The following SRGAP1 variants were observed in gnomAD, a reference collection of about 807,000 sequenced individuals.
The protein encoded by SRGAP1 is SLIT-ROBO Rho GTPase activating protein 1.
In SRGAP1, 43 loss-of-function variants were observed where a neutral mutation model predicts 121.9. The observed-to-expected ratio is 0.35, with a 90% CI of 0.28 to 0.46. The LOEUF is 0.46. SRGAP1 is among the 20% of genes least tolerant of loss of function. The pLI is 1.00. For synonymous variants in SRGAP1, 447 were observed against 485.4 expected, an observed-to-expected ratio of 0.92 and a Z score of 1.04; for missense variants, 1,102 against 1,350.9, an observed-to-expected ratio of 0.82 and a Z score of 2.89.
At chr12:63,962,119 G>T (rs1288298492) in intron 1 of SRGAP1, among the ~76,000 whole-genome samples, 2 of 152,146 alleles carry the variant, frequency 1.3e-5, no homozygotes, top group Non-Finnish European at 2.9e-5. Context: ...AGATTTTGCT[G>T]ATGGTCATTA....
At chr12:64,103,163 G>A (rs774662172) in intron 15 of SRGAP1, among the ~76,000 whole-genome samples, 3 of 151,932 alleles carry the variant, frequency 2.0e-5, no homozygotes, top group Non-Finnish European at 4.4e-5. Context: ...TATTTTTTTG[G>A]TAGAGACAGG....
chr12:63,950,487 T>C lies in SRGAP1; in HGVS notation c.68-33460T>C, dbSNP rs919254117. Among the ~76,000 whole-genome samples, 5 of 152,292 alleles carry C rather than the reference T, an allele frequency of 3.3e-5. 1 individual carries two copies. The stretch of plus-strand genomic sequence containing the variant: ...TTTATTAGAGTCCATCTCTGTTTTC[T>C]GGCAGGATGATGGCTCTAACGTGCT... On this transcript the variant is annotated intron_variant, in intron 1 of 21. Coordinates refer to ENST00000355086, the MANE Select transcript of SRGAP1 (RefSeq NM_020762.4).
chr12:64,097,604 G>T, intron 15 of SRGAP1: 2 of 390,956 alleles, frequency 5.1e-6, no homozygotes, highest in Non-Finnish European at 8.9e-6. Flanking sequence ...GCTCCAGAAA[G>T]CCAGGAGCTT....
chr12:63,981,317 C>T (rs997917107), intron 1 of SRGAP1, among the ~76,000 whole-genome samples: 1 of 152,068 alleles, frequency 6.6e-6, no homozygotes, highest in Non-Finnish European at 1.5e-5. Context: ...GAGATTTGTA[C>T]TTTTATCTTT....
intron 18 of SRGAP1, among the ~76,000 whole-genome samples, chr12:64,116,623 T>A (rs573807806): frequency 2.0e-3 from 308 of 152,336 alleles, no homozygotes; most frequent in Non-Finnish European, 3.1e-3. Context: ...CCATTGTATG[T>A]ATCTATTCCG....
At chr12:63,987,703 C>A (rs543174776) in intron 2 of SRGAP1, among the ~76,000 whole-genome samples, 2 of 152,002 alleles carry the variant, frequency 1.3e-5, no homozygotes, top group Non-Finnish European at 2.9e-5. Flanking sequence ...GCCTAGGCAA[C>A]AAGAGCAAAA....
rs371669031 is a variant in SRGAP1 at position 64,079,967 on chromosome 12, G to T, written c.1324-319G>T. Among the ~76,000 whole-genome samples, 51 of 152,274 alleles carry T rather than the reference G, an allele frequency of 3.3e-4. 1 individual carries two copies. The highest frequency in any genetic ancestry group is 1.2e-3 in the African/African-American group (49 of 41,556). ...TTTTAAAAATTAAAAATTAGGCTGGGTGCAGTGGCTCACGCCTGTAATCCC... is the reference window on the plus strand; with the variant it reads ...TTTTAAAAATTAAAAATTAGGCTGGTTGCAGTGGCTCACGCCTGTAATCCC... On this transcript the variant is annotated intron_variant, in intron 9 of 21. Coordinates refer to ENST00000355086, the MANE Select transcript of SRGAP1 (RefSeq NM_020762.4).
At chr12:63,984,186 A>G (rs779701714) in intron 2 of SRGAP1, 44 bp downstream of exon 2, 7 of 1,146,762 alleles carry the variant, frequency 6.1e-6, no homozygotes, top group Non-Finnish European at 8.2e-6. Flanking sequence ...GGTGATATCC[A>G]TACTGCCTTT....
intron 9 of SRGAP1, 125 bp from the exon 10 acceptor site, chr12:64,080,161 T>G: frequency 2.9e-6 from 2 of 685,272 alleles, no homozygotes; most frequent in Non-Finnish European, 4.7e-6. Context: ...GAGAATCGCT[T>G]GAACCCCAGA....
At chr12:64,001,192 A>G (rs2033885784) in intron 3 of SRGAP1, among the ~76,000 whole-genome samples, 1 of 152,200 alleles carries the variant, frequency 6.6e-6, no homozygotes, top group Non-Finnish European at 1.5e-5. Flanking sequence ...AATGTCAGAA[A>G]ACAATGGAGC....
intron 15 of SRGAP1, among the ~76,000 whole-genome samples, chr12:64,100,427 C>A (rs1208772901): frequency 6.6e-6 from 1 of 152,112 alleles, no homozygotes; most frequent in Non-Finnish European, 1.5e-5. Context: ...GGAGATATCT[C>A]ATGTAAGGGT....
In SRGAP1 at chr12:63,981,387, C is replaced by T. The variant is rs988293890; in HGVS notation, c.68-2560C>T. Among the ~76,000 whole-genome samples, 3 of 152,158 alleles carry T rather than the reference C, an allele frequency of 2.0e-5. No individual in the cohort carries two copies. The South Asian group carries it at 6.2e-4, about 32-fold the overall frequency. ...AAAACAAAAACAAACAAAAAAAACC[C>T]CAGAAAACTAGTTGACAGCTTAAGA... On this transcript the variant is annotated intron_variant, in intron 1 of 21. Coordinates refer to ENST00000355086, the MANE Select transcript of SRGAP1 (RefSeq NM_020762.4).
intron 1 of SRGAP1, among the ~76,000 whole-genome samples, chr12:63,904,638 A>G (rs1382306922): frequency 6.6e-6 from 1 of 152,228 alleles, no homozygotes; most frequent in Non-Finnish European, 1.5e-5. Flanking sequence ...AGATATTAAC[A>G]TACAGAGTAT....
chr12:64,141,135 GA>G, intron 21 of SRGAP1, among the ~76,000 whole-genome samples: 1 of 146,162 alleles, frequency 6.8e-6, no homozygotes, highest in Non-Finnish European at 1.5e-5. Flanking sequence ...GGTGGGTGGA[GA>G]GGGGAGGGAT....
At chr12:63,932,764 A>G (rs955740040) in intron 1 of SRGAP1, among the ~76,000 whole-genome samples, 2 of 152,216 alleles carry the variant, frequency 1.3e-5, no homozygotes, top group Non-Finnish European at 2.9e-5. Flanking sequence ...TGTTGAGTAT[A>G]CAAGAGAAAG....
At chr12:64,073,855 G>A (rs1233818969) in intron 8 of SRGAP1, among the ~76,000 whole-genome samples, 1 of 149,404 alleles carries the variant, frequency 6.7e-6, no homozygotes. Flanking sequence ...GCGTTTTTTG[G>A]TTGTTCAGAT....
chr12:63,873,232 G>A (rs781097927), intron 1 of SRGAP1, among the ~76,000 whole-genome samples: 2 of 152,050 alleles, frequency 1.3e-5, no homozygotes, highest in African/African-American at 4.8e-5. Flanking sequence ...TTCTAGATTA[G>A]AAAACTGAGG....
rs774301372 is a variant in SRGAP1, at chr12:64,128,114, A to C, written c.2794A>C (p.Ser932Arg). 60 of 1,614,178 alleles carry C rather than the reference A, an allele frequency of 3.7e-5. No homozygotes were observed. Among genetic ancestry groups the C allele is most frequent in the Non-Finnish European group, 5.0e-5 (59 of 1,180,038 alleles). Residue 932 changes from serine (S) to arginine (R), a missense_variant, in exon 21 of 22, where the codon AGC becomes CGC. Ser to Arg is a moderately radical substitution (Grantham distance 110). Transcript: ENST00000355086. ...GCACGACTCCCTCAAGAAGATCGAC[A>C]GCCCTCCCATTAGAAGGTCCACGTC... is the stretch of plus-strand genomic sequence containing the variant. ...SRHDSLKKID[S>R]PPIRRSTSSG...
intron 3 of SRGAP1, among the ~76,000 whole-genome samples, chr12:64,005,682 T>C (rs1367616022): frequency 6.6e-6 from 1 of 151,676 alleles, no homozygotes; most frequent in Non-Finnish European, 1.5e-5. Flanking sequence ...GTTTTAACTC[T>C]TTAGCTCTAA....
Sources: gnomAD v4.1 joint callset for allele counts (sites outside exome capture counted in the v4.1 genomes callset) on GRCh38, gnomAD v4.1.1 for gene constraint, MANE v1.5 for transcripts, NCBI Gene and HGNC (gene_info 2026-07-23, HGNC 2026-07-21) for gene names.